The following SETD2 variants were observed in gnomAD, a reference collection of about 807,000 sequenced individuals.
SETD2 encodes SET domain containing 2, histone lysine methyltransferase, also known as histone-lysine N-methyltransferase SETD2.
In SETD2, 31 loss-of-function variants were observed where a neutral mutation model predicts 242.1. That is an observed-to-expected ratio of 0.13 (90% CI 0.10 to 0.17). The LOEUF (loss-of-function observed/expected upper bound fraction) is 0.17. SETD2 is among the 10% of genes least tolerant of loss of function. The probability of loss-of-function intolerance (pLI) is 1.00; values close to 1 mark genes in which losing one functional copy is unlikely to be tolerated. For missense variants in SETD2, 2,481 were observed against 3,046.3 expected (o/e 0.81, Z 4.37); for synonymous variants, 1,006 against 1,066.5 (o/e 0.94, Z 1.11).
intron 18 of SETD2, among the ~76,000 whole-genome samples, chr3:47,020,395 G>A (rs953364059): frequency 2.0e-5 from 3 of 152,146 alleles, no homozygotes; most frequent in African/African-American, 2.4e-5. Flanking sequence ...TATTGACGGG[G>A]AGGTGATGAA....
chr3:47,149,548 C>T (rs1441859260), intron 1 of SETD2, among the ~76,000 whole-genome samples: 1 of 152,138 alleles, frequency 6.6e-6, no homozygotes, highest in African/African-American at 2.4e-5. Context: ...TGTATCCTCC[C>T]CCATAATGTA....
chr3:47,030,851 C>T (rs2038731982), intron 18 of SETD2, among the ~76,000 whole-genome samples: 1 of 152,018 alleles, frequency 6.6e-6, no homozygotes, highest in Non-Finnish European at 1.5e-5. Flanking sequence ...TGGAAGCAAC[C>T]AAGATGTCCT....
At chr3:47,087,149 G>A (rs1344439632) in intron 10 of SETD2, among the ~76,000 whole-genome samples, 2 of 151,850 alleles carry the variant, frequency 1.3e-5, no homozygotes, top group African/African-American at 4.8e-5. Context: ...TAGTACAAAT[G>A]GCTTTGGGAT....
At chr3:47,130,680 T>TA (rs2043455756) in intron 1 of SETD2, among the ~76,000 whole-genome samples, 2 of 151,634 alleles carry the variant, frequency 1.3e-5, no homozygotes, top group Admixed American at 1.3e-4. Flanking sequence ...CTCCCTACCA[T>TA]AAAAAATAAG....
At chr3:47,145,489 G>A in intron 1 of SETD2, 1 of 434,728 alleles carries the variant, frequency 2.3e-6, no homozygotes, top group Non-Finnish European at 4.7e-6. Context: ...TGAACTCCTG[G>A]ACTCAAATGA....
chr3:47,107,946 C>T (rs2042501897), intron 5 of SETD2, among the ~76,000 whole-genome samples: 1 of 151,890 alleles, frequency 6.6e-6, no homozygotes, highest in African/African-American at 2.4e-5. Context: ...CATTACTGCA[C>T]TCCAGGCTAG....
intron 15 of SETD2, among the ~76,000 whole-genome samples, chr3:47,047,730 G>GA (rs1254089568): frequency 6.6e-6 from 1 of 152,142 alleles, no homozygotes; most frequent in East Asian, 1.9e-4. Flanking sequence ...AAACCAGACT[G>GA]AAAAACATTA....
intron 15 of SETD2, among the ~76,000 whole-genome samples, chr3:47,055,031 G>A (rs1489601356): frequency 6.6e-6 from 1 of 151,778 alleles, no homozygotes; most frequent in Non-Finnish European, 1.5e-5. Context: ...AATAAAGTCT[G>A]ACTTACTATC....
At chr3:47,160,936 T>A (rs1697473449) in intron 1 of SETD2, among the ~76,000 whole-genome samples, 2 of 152,132 alleles carry the variant, frequency 1.3e-5, no homozygotes. Flanking sequence ...TGCTGCTGAA[T>A]AAAAAAGACA....
intron 19 of SETD2, among the ~76,000 whole-genome samples, chr3:47,019,182 T>C (rs915504351): frequency 3.3e-5 from 5 of 152,206 alleles, no homozygotes; most frequent in African/African-American, 7.2e-5. Flanking sequence ...CCTGGAGAAT[T>C]AGGCAGCTAC....
rs550447003 is a variant in SETD2, at chr3:47,017,424, A to C, written c.7534-170T>G. 6.6e-6 allele frequency among the ~76,000 whole-genome samples: 1 copy of C among 152,244 alleles called. No homozygotes were observed. The highest frequency in any genetic ancestry group is 1.9e-4 in the East Asian group (1 of 5,190). On this transcript the variant is annotated intron_variant, in intron 20 of 20. Coordinates refer to ENST00000409792, the MANE Select transcript of SETD2 (RefSeq NM_014159.7). This position sits in a 1 kb window ranked among gnomAD's most constrained non-coding sequence, Gnocchi z 4.8. ...CAGGCTGGTGCTATGATCACCAGAAAGGACAAGCTGAGCTCTGAAAATTTC... is the reference window on the plus strand; with the variant it reads ...CAGGCTGGTGCTATGATCACCAGAACGGACAAGCTGAGCTCTGAAAATTTC...
chr3:47,111,925 C>A (rs1422657309), intron 5 of SETD2, among the ~76,000 whole-genome samples: 2 of 152,160 alleles, frequency 1.3e-5, no homozygotes, highest in African/African-American at 2.4e-5. Context: ...CCAACTCCAA[C>A]TCCCATCCAA....
intron 1 of SETD2, among the ~76,000 whole-genome samples, chr3:47,128,493 T>C (rs1241955010): frequency 1.3e-5 from 2 of 152,238 alleles, no homozygotes; most frequent in African/African-American, 4.8e-5. Flanking sequence ...AAAGGAAACA[T>C]ATAAAACCCT....
intron 13 of SETD2, among the ~76,000 whole-genome samples, chr3:47,066,573 T>C (rs2040563610): frequency 6.6e-6 from 1 of 152,138 alleles, no homozygotes; most frequent in Admixed American, 6.6e-5. Context: ...GGTCTCAAAC[T>C]CTTGGGCTCA....
chr3:47,062,989 C>T (rs2040403586), intron 13 of SETD2, among the ~76,000 whole-genome samples: 3 of 152,114 alleles, frequency 2.0e-5, no homozygotes, highest in Non-Finnish European at 4.4e-5. Context: ...TAATGAACTA[C>T]AGTTATCTCT....
At chr3:47,086,453 GT>G in intron 10 of SETD2, 139 bp from the exon 11 acceptor site, 1 of 685,140 alleles carries the variant, frequency 1.5e-6, no homozygotes, top group Non-Finnish European at 2.3e-6. Flanking sequence ...TAGAAACTCT[GT>G]TTTCATTAGC....
At chr3:47,071,929 T>A (rs988198275) in intron 12 of SETD2, among the ~76,000 whole-genome samples, 3 of 152,102 alleles carry the variant, frequency 2.0e-5, no homozygotes. Context: ...AACAAAATTA[T>A]TAAATAATTT....
At position 47,120,605 on chromosome 3, in the gene SETD2, T is replaced by G. The variant is rs755070193; in HGVS notation, c.4031A>C (p.Gln1344Pro). Residue 1344 changes from glutamine (Q) to proline (P), a missense_variant, in exon 3 of 21, where the codon CAG becomes CCG. By Grantham distance (76) the Gln-to-Pro change is moderately conservative. Coordinates refer to ENST00000409792, the MANE Select transcript of SETD2 (RefSeq NM_014159.7). ...DREEEENWDQ[Q>P]DGSHFSDQSD... Reference sequence around the variant, plus strand: ...CTGGTCTGAAAAATGGGATCCATCCTGTTGATCCCAATTCTCCTCTTCTTC... The same window carrying G: ...CTGGTCTGAAAAATGGGATCCATCCGGTTGATCCCAATTCTCCTCTTCTTC... The G allele has an allele frequency of 6.2e-7, 1 of 1,613,950 alleles. No homozygotes were observed. The highest frequency in any genetic ancestry group is 8.5e-7 in the Non-Finnish European group (1 of 1,179,860).
intron 1 of SETD2, among the ~76,000 whole-genome samples, chr3:47,142,154 G>A (rs986108560): frequency 6.6e-6 from 1 of 152,118 alleles, no homozygotes. Context: ...TGGTACATCC[G>A]TTCAATGTGG....
Sources: gnomAD v4.1 joint callset for allele counts (sites outside exome capture counted in the v4.1 genomes callset) on GRCh38, gnomAD v4.1.1 for gene constraint, Gnocchi (gnomAD v3.1) non-coding constraint, MANE v1.5 for transcripts, NCBI Gene and HGNC (gene_info 2026-07-23, HGNC 2026-07-21) for gene names.